The following PEX1 variants were observed in gnomAD, a reference collection of about 807,000 sequenced individuals.
PEX1 encodes the protein peroxisomal biogenesis factor 1, also known as peroxisomal ATPase PEX1.
In PEX1, 97 loss-of-function variants were observed where a neutral mutation model predicts 152.5. The observed-to-expected ratio is 0.64, with a 90% CI of 0.54 to 0.75. PEX1 has a LOEUF of 0.75. Among genes scored for constraint, PEX1 ranks in the 30% least tolerant of loss-of-function variants. The probability of loss-of-function intolerance (pLI) is 0.00; values close to 1 mark genes in which losing one functional copy is unlikely to be tolerated. For missense variants in PEX1, 1,357 were observed against 1,516.3 expected, an observed-to-expected ratio of 0.89 and a Z score of 1.74; for synonymous variants, 485 against 531.6, an observed-to-expected ratio of 0.91 and a Z score of 1.21.
intron 17 of PEX1, 25 bp downstream of exon 17, chr7:92,496,688 T>G (rs1416367941): frequency 6.7e-7 from 1 of 1,503,658 alleles, no homozygotes; most frequent in East Asian, 2.3e-5. Flanking sequence ...GTCAGTTACT[T>G]TAAAAACATT....
chr7:92,520,659 C>T (rs577738542), intron 2 of PEX1, among the ~76,000 whole-genome samples: 6 of 152,182 alleles, frequency 3.9e-5, no homozygotes, highest in Non-Finnish European at 8.8e-5. Context: ...CCTGGCCTAG[C>T]CAGTCCACTT....
intron 19 of PEX1, chr7:92,493,415 A>T (rs997964431): frequency 2.7e-5 from 5 of 187,208 alleles, no homozygotes; most frequent in Non-Finnish European, 4.3e-5. Context: ...TGGGAGGATC[A>T]CTTGAGCCCT....
chr7:92,487,599 A>C, intron 23 of PEX1, 58 bp from the exon 24 acceptor site: 1 of 748,828 alleles, frequency 1.3e-6, no homozygotes, highest in Non-Finnish European at 2.3e-6. Flanking sequence ...AAAACAAAAG[A>C]TAATGGATTG....
Position 92,494,512 on chromosome 7 carries a change from C to T in PEX1, c.2901G>A (p.Gln967=), listed in dbSNP as rs111704518. The change falls in exon 18 of 24, where the codon CAG becomes CAA. Residue 967 remains glutamine (Q), a synonymous_variant. Transcript: ENST00000248633. ...CCTGTAAGCCTTCTACTCCATCCAA[C>T]TGAGTCAGCAACTGGTTAACTACTC... ...TDRVVNQLLT[Q]LDGVEGLQGV... is the part of the protein sequence containing the mutation. The T allele has an allele frequency of 1.3e-3, 2,151 of 1,613,966 alleles. 27 individuals carry two copies. The African/African-American group carries it at 0.026, about 19-fold the overall frequency.
Position 92,517,857 on chromosome 7 carries a change from A to C in PEX1, c.658T>G (p.Ser220Ala). ...GATTCAGTGATTCCCACAGTATTTG[A>C]CTGAAGTTGCTTGGTTTGAAGTTCT... is the stretch of plus-strand genomic sequence containing the variant. The part of the protein sequence containing the change: ...MKELQTKQLQ[S>A]NTVGITESNE... The change falls in exon 5 of 24, where the codon TCA becomes GCA. Residue 220 changes from serine to alanine, a missense_variant. Transcript: ENST00000248633. 6.5e-7 allele frequency: 1 copy of C among 1,542,606 alleles called. No individual in the cohort carries two copies. The highest frequency in any genetic ancestry group is 8.7e-7 in the Non-Finnish European group (1 of 1,151,110).
At chr7:92,490,192 G>T (rs1791216038) in intron 21 of PEX1, 1 of 412,268 alleles carries the variant, frequency 2.4e-6, no homozygotes. Flanking sequence ...AATGCCCAAG[G>T]ACAGGTTTCT....
At chr7:92,513,060 A>AT (rs1238381057) in intron 6 of PEX1, among the ~76,000 whole-genome samples, 6 of 152,066 alleles carry the variant, frequency 3.9e-5, no homozygotes, top group Non-Finnish European at 7.4e-5. Flanking sequence ...ACATGGGACA[A>AT]TTTTTTTTAA....
chr7:92,510,613 T>A (rs1270835605), intron 8 of PEX1, among the ~76,000 whole-genome samples: 1 of 152,088 alleles, frequency 6.6e-6, no homozygotes, highest in Non-Finnish European at 1.5e-5. Flanking sequence ...AATAGGAATT[T>A]AAAAAATCAA....
At chr7:92,505,466 G>A (rs1357862646) in intron 11 of PEX1, among the ~76,000 whole-genome samples, 1 of 151,564 alleles carries the variant, frequency 6.6e-6, no homozygotes, top group East Asian at 1.9e-4. Flanking sequence ...ATTCCTGTAT[G>A]CATGTATTCA....
At chr7:92,509,303 A>G in intron 9 of PEX1, 26 bp downstream of exon 9, 5 of 1,473,850 alleles carry the variant, frequency 3.4e-6, no homozygotes, top group Non-Finnish European at 4.8e-6. Flanking sequence ...CATGTCTAAC[A>G]TGCTAGTTTG....
At chr7:92,506,905 C>T in intron 10 of PEX1, 89 bp downstream of exon 10, 1 of 1,334,676 alleles carries the variant, frequency 7.5e-7, no homozygotes, top group Non-Finnish European at 1.1e-6. Flanking sequence ...TCAAAACCCA[C>T]CCTATATAAT....
chr7:92,490,046 G>T, intron 21 of PEX1, 135 bp from the exon 22 acceptor site: 1 of 741,052 alleles, frequency 1.3e-6, no homozygotes. Context: ...TTAATTAACT[G>T]AAATTAAGCA....
chr7:92,514,581 T>G (rs1792634127), intron 5 of PEX1, among the ~76,000 whole-genome samples: 1 of 152,204 alleles, frequency 6.6e-6, no homozygotes, highest in African/African-American at 2.4e-5. Context: ...TGGCCAAAAC[T>G]AATCACAGAC....
chr7:92,506,257 C>G lies in PEX1; in HGVS notation c.1891G>C (p.Ala631Pro), dbSNP rs2075434358. ...DAHVERVDCK[A>P]LRGKRLENIQ... is the part of the protein sequence containing the mutation. ...GTTACCATACTCATACCTCGTAAAGCTTTACAGTCAACTCTCTCCACATGG... is the reference window on the plus strand; with the variant it reads ...GTTACCATACTCATACCTCGTAAAGGTTTACAGTCAACTCTCTCCACATGG... Residue 631 changes from alanine (A) to proline (P), a missense_variant, in exon 11 of 24, where the codon GCT (alanine) becomes CCT (proline). Physicochemically the swap from Ala to Pro is conservative, Grantham distance 27. Coordinates refer to ENST00000248633, the MANE Select transcript of PEX1 (RefSeq NM_000466.3). 4.4e-6 allele frequency: 7 copies of G among 1,580,898 alleles called. No individual in the cohort carries two copies. In the East Asian group the frequency reaches 1.6e-4, roughly 35 times the overall value.
intron 5 of PEX1, among the ~76,000 whole-genome samples, chr7:92,514,339 A>T (rs1728171710): frequency 6.6e-6 from 1 of 152,206 alleles, no homozygotes; most frequent in African/African-American, 2.4e-5. Flanking sequence ...CAACGGTGTG[A>T]CCAGATGGAT....
At chr7:92,522,997 G>C (rs1384310616) in intron 1 of PEX1, among the ~76,000 whole-genome samples, 1 of 151,944 alleles carries the variant, frequency 6.6e-6, no homozygotes, top group Admixed American at 6.6e-5. Context: ...TGGGAATATA[G>C]GTTTTAAAAA....
In PEX1 at chr7:92,518,979, A is replaced by C. The variant is rs1792931991; in HGVS notation, c.357+16T>G. 1.3e-6 allele frequency: 2 copies of C among 1,563,156 alleles called. No homozygotes were observed. Among genetic ancestry groups the C allele is most frequent in the Non-Finnish European group, 1.8e-6 (2 of 1,133,882 alleles). ...TTTAACCTTAAATGAGATAGTTCTT[A>C]TTTGGTTTTCTTTACCAGTATCTCC... On this transcript the variant is annotated intron_variant, in intron 3 of 23. Transcript: ENST00000248633.
chr7:92,491,447 T>C lies in PEX1; in HGVS notation c.3263A>G (p.Asn1088Ser). 1 of 1,613,864 alleles carries C rather than the reference T, an allele frequency of 6.2e-7. No individual in the cohort carries two copies. Among genetic ancestry groups the C allele is most frequent in the East Asian group, 2.2e-5 (1 of 44,868 alleles). The change falls in exon 21 of 24, where the codon AAC (asparagine) becomes AGC (serine). Residue 1088 changes from asparagine (N) to serine (S), a missense_variant. Transcript: ENST00000248633. ...TGAATCGTCAGAGCCACTGCTATGG[T>C]TAAGAAAGACCATTGAAGACAGACT... ...DLSLSSMVFL[N>S]HSSGSDDSAG...
intron 8 of PEX1, 96 bp downstream of exon 8, chr7:92,510,848 C>T: frequency 1.5e-6 from 1 of 687,380 alleles, no homozygotes; most frequent in East Asian, 2.8e-5. Flanking sequence ...TTTTAATACA[C>T]TTCACAATGC....
Sources: gnomAD v4.1 joint callset for allele counts (sites outside exome capture counted in the v4.1 genomes callset) on GRCh38, gnomAD v4.1.1 for gene constraint, MANE v1.5 for transcripts, NCBI Gene and HGNC (gene_info 2026-07-23, HGNC 2026-07-21) for gene names.